The following PRRC2B variants were observed in gnomAD, a reference collection of about 807,000 sequenced individuals.
The protein encoded by PRRC2B is protein PRRC2B.
In PRRC2B, 68 loss-of-function variants were observed where a neutral mutation model predicts 242.3. The observed-to-expected ratio is 0.28, with a 90% CI of 0.23 to 0.34. The LOEUF is 0.34. PRRC2B is among the 10% of genes least tolerant of loss of function. PRRC2B has a pLI of 1.00. For synonymous variants in PRRC2B, 1,228 were observed against 1,173.6 expected, an observed-to-expected ratio of 1.05 and a Z score of -0.95; for missense variants, 2,835 against 2,954.8, an observed-to-expected ratio of 0.96 and a Z score of 0.94.
At chr9:131,375,356 G>A (rs12347490) in intron 1 of PRRC2B, among the ~76,000 whole-genome samples, 3,898 of 151,950 alleles carry the variant, frequency 0.026, 172 homozygotes, top group African/African-American at 0.089. Context: ...CCGAGATTGC[G>A]TCACAGCACT....
chr9:131,428,168 C>T (rs141484994), intron 1 of PRRC2B, among the ~76,000 whole-genome samples: 408 of 152,220 alleles, frequency 2.7e-3, no homozygotes, highest in Admixed American at 5.0e-3. Context: ...GATCCACCCA[C>T]CTCGGCCTCC....
At chr9:131,379,737 T>C (rs1836732029) in intron 1 of PRRC2B, among the ~76,000 whole-genome samples, 1 of 150,020 alleles carries the variant, frequency 6.7e-6, no homozygotes, top group Admixed American at 6.7e-5. Context: ...GCAATTCTCC[T>C]GCCTCAGCCT....
At position 131,474,788 on chromosome 9, in the gene PRRC2B, G is replaced by C; in HGVS notation, c.2659G>C (p.Glu887Gln). The change falls in exon 16 of 32, where the codon GAG becomes CAG. Residue 887 changes from glutamate to glutamine, a missense_variant. Glu to Gln is a conservative substitution (Grantham distance 29). Coordinates refer to ENST00000683519, the MANE Select transcript of PRRC2B (RefSeq NM_013318.4). The part of the protein sequence containing the change: ...PETADTAHGV[E>Q]RETPREGTAF... The stretch of plus-strand genomic sequence containing the variant: ...GACCGCTGACACAGCCCATGGTGTT[G>C]AGCGGGAGACACCCCGGGAGGGGAC... The C allele has an allele frequency of 1.2e-6, 2 of 1,612,750 alleles. No homozygotes were observed. Among genetic ancestry groups the C allele is most frequent in the Non-Finnish European group, 1.7e-6 (2 of 1,179,758 alleles).
chr9:131,454,891 C>G (rs931912125), intron 9 of PRRC2B, among the ~76,000 whole-genome samples, 185 bp from the exon 10 acceptor site: 8 of 149,212 alleles, frequency 5.4e-5, no homozygotes, highest in Non-Finnish European at 1.5e-5. Flanking sequence ...ACCTCAGCCT[C>G]GCAAAGTACT....
At chr9:131,478,045 C>A in intron 17 of PRRC2B, 96 bp downstream of exon 17, 2 of 1,125,086 alleles carry the variant, frequency 1.8e-6, no homozygotes, top group East Asian at 2.4e-5. Flanking sequence ...CACTGAGTAC[C>A]TTAGCTTTCG....
intron 1 of PRRC2B, among the ~76,000 whole-genome samples, chr9:131,420,496 T>TCTTTCTTTCCTTTCTTTCTTTC (rs59621148): frequency 4.0e-5 from 3 of 75,894 alleles, no homozygotes; most frequent in African/African-American, 1.6e-4. Context: ...TTTCTTTCTT[T>TCTTTCTTTCCTTTCTTTCTTTC]TTTTTTTTTT....
rs75413692 is a variant in PRRC2B, at chr9:131,405,347, A to G, written c.-52+11084A>G. On this transcript the variant is annotated intron_variant, in intron 1 of 31. Transcript: ENST00000683519. Reference sequence around the variant, plus strand: ...TGTCCTTGCTGCCTGTTTTCTTCCAACTGTTATACACTGGAGCCTGGTGCA... The same window carrying G: ...TGTCCTTGCTGCCTGTTTTCTTCCAGCTGTTATACACTGGAGCCTGGTGCA... Among the ~76,000 whole-genome samples the G allele has an allele frequency of 4.6e-5, 7 of 152,310 alleles. No homozygotes were observed. The East Asian group carries it at 9.6e-4, about 21-fold the overall frequency.
chr9:131,446,498 G>A lies in PRRC2B; in HGVS notation c.711G>A (p.Thr237=), dbSNP rs755452107. Residue 237 remains threonine, a synonymous_variant, in exon 7 of 32, where the codon ACG becomes ACA. Transcript: ENST00000683519. This position sits in a 1 kb window ranked among gnomAD's most constrained non-coding sequence, Gnocchi z 4.1. The stretch of plus-strand genomic sequence containing the variant: ...AGCTGGGCAGCAGGAACTCGAGTAC[G>A]GGAGATGGAGCCCCCTCCTCGGCAT... ...PTELGSRNSS[T]GDGAPSSACT... The A allele has an allele frequency of 1.1e-5, 17 of 1,613,858 alleles. No individual in the cohort carries two copies. The highest frequency in any genetic ancestry group is 2.2e-5 in the South Asian group (2 of 91,070).
intron 1 of PRRC2B, among the ~76,000 whole-genome samples, chr9:131,416,228 C>A (rs914309413): frequency 1.3e-5 from 2 of 152,106 alleles, no homozygotes; most frequent in Non-Finnish European, 2.9e-5. Context: ...TCTGCCTCAG[C>A]CTCCTGAGTA....
intron 10 of PRRC2B, among the ~76,000 whole-genome samples, chr9:131,457,064 G>GT (rs1482638844): frequency 2.0e-5 from 3 of 152,070 alleles, no homozygotes; most frequent in Non-Finnish European, 4.4e-5. Context: ...CTTTTTCTTT[G>GT]TTATTTCATC....
intron 16 of PRRC2B, 138 bp downstream of exon 16, chr9:131,476,673 G>T: frequency 1.4e-6 from 1 of 707,278 alleles, no homozygotes; most frequent in Non-Finnish European, 2.3e-6. Context: ...CGTCTCCATT[G>T]CCTGCCCCCA....
rs532503882 is a variant in PRRC2B, at chr9:131,476,496, A to G, written c.4367A>G (p.Tyr1456Cys). 7.5e-6 allele frequency: 12 copies of G among 1,609,546 alleles called. No homozygotes were observed. The South Asian group carries it at 7.7e-5, about 10-fold the overall frequency. Residue 1456 changes from tyrosine (Y) to cysteine (C), a missense_variant, in exon 16 of 32, where the codon TAT (tyrosine) becomes TGT (cysteine). Physicochemically the swap from Tyr to Cys is radical, Grantham distance 194. Coordinates refer to ENST00000683519, the MANE Select transcript of PRRC2B (RefSeq NM_013318.4). ...RPGGGDTSPRYESQQNGTPLK... is the reference protein window; with the variant it reads ...RPGGGDTSPRCESQQNGTPLK... ...GGTGGTGGTGACACCTCCCCTCGCTATGAGAGCCAACAGAATGGGACGCCT... is the reference window on the plus strand; with the variant it reads ...GGTGGTGGTGACACCTCCCCTCGCTGTGAGAGCCAACAGAATGGGACGCCT...
chr9:131,451,208 G>A (rs1413642012), intron 9 of PRRC2B, among the ~76,000 whole-genome samples: 1 of 152,130 alleles, frequency 6.6e-6, no homozygotes, highest in Non-Finnish European at 1.5e-5. Context: ...GACCATCCTG[G>A]CTAACATGGT....
rs763703916 is a variant in PRRC2B at position 131,475,888 on chromosome 9, A to T, written c.3759A>T (p.Arg1253Ser). 6.2e-7 allele frequency: 1 copy of T among 1,613,858 alleles called. No homozygotes were observed. Among genetic ancestry groups the T allele is most frequent in the South Asian group, 1.1e-5 (1 of 91,082 alleles). The part of the protein sequence containing the change: ...DTCGSRRPTD[R>S]DYVPDSYRHP... ...GCGGATCCCGGCGACCTACAGACAG[A>T]GACTATGTCCCAGATTCCTACAGAC... Residue 1253 changes from arginine (R) to serine (S), a missense_variant, in exon 16 of 32, where the codon AGA (arginine) becomes AGT (serine). Physicochemically the swap from Arg to Ser is moderately radical, Grantham distance 110. Transcript: ENST00000683519.
At chr9:131,491,859 AAAG>A (rs1431391618) in intron 29 of PRRC2B, among the ~76,000 whole-genome samples, 1 of 152,194 alleles carries the variant, frequency 6.6e-6, no homozygotes, top group African/African-American at 2.4e-5. Flanking sequence ...TTCACTTTAA[AAAG>A]AACAAAATAT....
intron 16 of PRRC2B, 29 bp downstream of exon 16, chr9:131,476,564 T>C (rs1253106132): frequency 2.6e-6 from 4 of 1,546,272 alleles, no homozygotes; most frequent in Non-Finnish European, 3.5e-6. Flanking sequence ...TGGGCCCTTT[T>C]TGTTGTTGTG....
Position 131,474,858 on chromosome 9 carries a change from A to T in PRRC2B, c.2729A>T (p.Lys910Ile). Reference sequence around the variant, plus strand: ...TGGGACAAGAACGGGAGCCCCAACAAACAGCCATCCTCGGAGCCTGAATGG... The same window carrying T: ...TGGGACAAGAACGGGAGCCCCAACATACAGCCATCCTCGGAGCCTGAATGG... ...SSWDKNGSPN[K>I]QPSSEPEWTP... Residue 910 changes from lysine to isoleucine, a missense_variant, in exon 16 of 32, where the codon AAA (lysine) becomes ATA (isoleucine). By Grantham distance (102) the Lys-to-Ile change is moderately radical. This residue lies in a region of PRRC2B where 1,536 missense variants were observed against 1,483.1 expected (regional missense o/e 1.04). Coordinates refer to ENST00000683519, the MANE Select transcript of PRRC2B (RefSeq NM_013318.4). The T allele has an allele frequency of 6.2e-7, 1 of 1,608,730 alleles. No homozygotes were observed. The highest frequency in any genetic ancestry group is 8.5e-7 in the Non-Finnish European group (1 of 1,178,158).
At chr9:131,462,015 C>A (rs889266063) in intron 11 of PRRC2B, among the ~76,000 whole-genome samples, 3 of 152,118 alleles carry the variant, frequency 2.0e-5, no homozygotes, top group Admixed American at 1.3e-4. Flanking sequence ...GCAGTTAATC[C>A]ACATTTTCAT....
At position 131,387,799 on chromosome 9, in the gene PRRC2B, TC is replaced by T. The variant is rs1038817241; in HGVS notation, c.-56+14069del. On this transcript the variant is annotated intron_variant, in intron 1 of 1. Coordinates refer to the PRRC2B transcript ENST00000682525. ...AAAATACATGCCGGACTTGAAGACT[TC>T]ATGTGACCACAAAGAATGTCAGTGA... is the stretch of plus-strand genomic sequence containing the variant. 3.0e-4 allele frequency among the ~76,000 whole-genome samples: 45 copies of T among 150,618 alleles called. 3 individuals are homozygous for T. The highest frequency in any genetic ancestry group is 3.4e-3 in the Middle Eastern group (1 of 292).
Sources: gnomAD v4.1 joint callset for allele counts (sites outside exome capture counted in the v4.1 genomes callset) on GRCh38, gnomAD v4.1.1 for gene constraint, gnomAD v4.1.1 regional missense constraint, Gnocchi (gnomAD v3.1) non-coding constraint, MANE v1.5 for transcripts, NCBI Gene and HGNC (gene_info 2026-07-23, HGNC 2026-07-21) for gene names.